The following MYO5A variants were observed in gnomAD, a reference collection of about 807,000 sequenced individuals.
MYO5A encodes the protein myosin VA, also known as unconventional myosin-Va.
MYO5A carries 98 observed loss-of-function variants against 249.7 expected under a neutral mutation model. The observed-to-expected ratio is 0.39, with a 90% CI of 0.33 to 0.46. The LOEUF is 0.46. MYO5A is among the 20% of genes least tolerant of loss of function. MYO5A has a pLI of 0.98. For synonymous variants in MYO5A, 778 were observed against 810.6 expected, an observed-to-expected ratio of 0.96 and a Z score of 0.68; for missense variants, 1,696 against 2,308.8, an observed-to-expected ratio of 0.73 and a Z score of 5.44.
intron 34 of MYO5A, among the ~76,000 whole-genome samples, chr15:52,334,114 G>A (rs1487740922): frequency 6.6e-6 from 1 of 152,204 alleles, no homozygotes; most frequent in Non-Finnish European, 1.5e-5. Flanking sequence ...TTTAAATGAT[G>A]AGGTTGATTT....
In MYO5A at chr15:52,438,226, T is replaced by C. The variant is rs540838993; in HGVS notation, c.28-4941A>G. ...CCCCAGGCCGCAAAGCAAATACACA[T>C]GGCAGGAATAGAACTAAACTTGTCC... On this transcript the variant is annotated intron_variant, in intron 1 of 41. Transcript: ENST00000399233. Among the ~76,000 whole-genome samples, 43 of 152,128 alleles carry C rather than the reference T, an allele frequency of 2.8e-4. No individual in the cohort carries two copies. In the East Asian group the frequency reaches 3.9e-3, roughly 14 times the overall value.
chr15:52,393,747 T>A (rs952685793), intron 11 of MYO5A, among the ~76,000 whole-genome samples: 1 of 152,188 alleles, frequency 6.6e-6, no homozygotes, highest in Non-Finnish European at 1.5e-5. Context: ...CAAAAAACAG[T>A]CATCCATATG....
At chr15:52,439,112 G>A (rs923874377) in intron 1 of MYO5A, among the ~76,000 whole-genome samples, 14 of 152,212 alleles carry the variant, frequency 9.2e-5, no homozygotes, top group African/African-American at 2.4e-4. Context: ...AACACTCACC[G>A]CATGGCCCAA....
chr15:52,370,121 CCT>C (rs754480864), intron 22 of MYO5A, 46 bp downstream of exon 22: 1 of 1,611,546 alleles, frequency 6.2e-7, no homozygotes, highest in Non-Finnish European at 8.5e-7. Context: ...GATGACAGCA[CCT>C]CTCTTTTGTG....
rs1243779097 is a variant in MYO5A, at chr15:52,329,993, T to TC, written c.4555+359_4555+360insG. ...CTTGAGGGTTTTTTCTTTTTCTTTTTTTTTTTTTTAAAGTACTAGACATTG... is the reference window on the plus strand; with the variant it reads ...CTTGAGGGTTTTTTCTTTTTCTTTTTCTTTTTTTTTAAAGTACTAGACATTG... On this transcript the variant is annotated intron_variant, in intron 35 of 41. Transcript: ENST00000399233. 3.0e-4 allele frequency among the ~76,000 whole-genome samples: 45 copies of TC among 151,394 alleles called. 1 individual carries two copies. The highest frequency in any genetic ancestry group is 1.1e-3 in the African/African-American group (44 of 41,122).
At chr15:52,446,227 C>G (rs2075887483) in intron 1 of MYO5A, among the ~76,000 whole-genome samples, 1 of 152,250 alleles carries the variant, frequency 6.6e-6, no homozygotes, top group African/African-American at 2.4e-5. Context: ...CTACCCTGCA[C>G]AGCCTCAGAG....
chr15:52,473,962 A>C (rs1383720934), intron 1 of MYO5A, among the ~76,000 whole-genome samples: 2 of 152,178 alleles, frequency 1.3e-5, no homozygotes, highest in African/African-American at 4.8e-5. Context: ...GATGGCATTG[A>C]ATCTATAAAT....
chr15:52,326,550 G>T (rs763078328), intron 36 of MYO5A, among the ~76,000 whole-genome samples: 6 of 152,188 alleles, frequency 3.9e-5, no homozygotes, highest in Non-Finnish European at 7.3e-5. Context: ...CAGGGCTGAG[G>T]GAGGGAGGAA....
chr15:52,450,983 G>A (rs950495271), intron 1 of MYO5A, among the ~76,000 whole-genome samples: 4 of 54,912 alleles, frequency 7.3e-5, no homozygotes, highest in African/African-American at 2.1e-4. Flanking sequence ...CCCACTCTCA[G>A]GAGTTTAAAT....
intron 1 of MYO5A, among the ~76,000 whole-genome samples, chr15:52,527,707 T>G (rs958976177): frequency 1.3e-5 from 2 of 152,218 alleles, no homozygotes; most frequent in Non-Finnish European, 2.9e-5. Flanking sequence ...CCGGCTTGAA[T>G]CCAGGTCTCT....
intron 24 of MYO5A, among the ~76,000 whole-genome samples, chr15:52,362,686 T>A (rs186222352): frequency 6.6e-6 from 1 of 152,124 alleles, no homozygotes; most frequent in South Asian, 2.1e-4. Context: ...AAATAAGAAA[T>A]TGAGCAACTA....
At chr15:52,447,452 T>A (rs565450779) in intron 1 of MYO5A, among the ~76,000 whole-genome samples, 4 of 152,270 alleles carry the variant, frequency 2.6e-5, no homozygotes, top group Non-Finnish European at 4.4e-5. Flanking sequence ...CAGTCCCAGG[T>A]ATTTCTTTAT....
At chr15:52,450,855 T>TTGTTTTCTGTTTTTTG (rs60823450) in intron 1 of MYO5A, among the ~76,000 whole-genome samples, 2 of 144,372 alleles carry the variant, frequency 1.4e-5, no homozygotes, top group Admixed American at 1.4e-4. Flanking sequence ...TTTTTTTTTT[T>TTGTTTTCTGTTTTTTG]TTTTTTTTTT....
rs5812601 is a variant in MYO5A at position 52,369,869 on chromosome 15, CTTTT to C, written c.3066+296_3066+299del. 0.064 allele frequency among the ~76,000 whole-genome samples: 5,980 copies of C among 93,802 alleles called. 427 individuals are homozygous for C. The highest frequency in any genetic ancestry group is 0.19 in the African/African-American group (5,245 of 27,384). 61.5% of individuals were successfully genotyped at this position (93,802 alleles called of 152,430 possible). A position where few individuals can be genotyped will look rare whatever the true frequency, so the allele number is the denominator to read the frequency against. ...AAAAGGAGTCTATGCCCCAGACTGA[CTTTT>C]TTTTTTTTTTTTTTTTTTTAATATA... On this transcript the variant is annotated intron_variant, in intron 22 of 41. Transcript: ENST00000399233.
chr15:52,394,342 G>A (rs978525978), intron 11 of MYO5A, among the ~76,000 whole-genome samples: 8 of 152,184 alleles, frequency 5.3e-5, no homozygotes, highest in Admixed American at 1.3e-4. Context: ...TGGGAAACAA[G>A]AAAATAATGA....
chr15:52,392,531 C>A (rs1353702809), intron 11 of MYO5A, among the ~76,000 whole-genome samples: 4 of 152,204 alleles, frequency 2.6e-5, no homozygotes, highest in African/African-American at 4.8e-5. Flanking sequence ...CTGAAGTTCA[C>A]GTGGCTCAGA....
chr15:52,394,962 C>A (rs932992447), intron 11 of MYO5A, among the ~76,000 whole-genome samples: 1 of 152,170 alleles, frequency 6.6e-6, no homozygotes, highest in Non-Finnish European at 1.5e-5. Context: ...ATCACTTCTA[C>A]ATTATTTCAC....
At chr15:52,427,419 C>T (rs2075420363) in intron 3 of MYO5A, among the ~76,000 whole-genome samples, 1 of 150,980 alleles carries the variant, frequency 6.6e-6, no homozygotes, top group Non-Finnish European at 1.5e-5. Context: ...GAAAAGAAGG[C>T]AAAAAATAAT....
chr15:52,498,364 G>A (rs1477847894), intron 1 of MYO5A, among the ~76,000 whole-genome samples: 2 of 152,098 alleles, frequency 1.3e-5, no homozygotes, highest in Non-Finnish European at 2.9e-5. Flanking sequence ...CTCAAAGGGT[G>A]TAAAAAATTC....
Sources: gnomAD v4.1 joint callset for allele counts (sites outside exome capture counted in the v4.1 genomes callset) on GRCh38, gnomAD v4.1.1 for gene constraint, MANE v1.5 for transcripts, NCBI Gene and HGNC (gene_info 2026-07-23, HGNC 2026-07-21) for gene names.